The following IQSEC2 variants were observed in gnomAD, a reference collection of about 807,000 sequenced individuals.
The protein encoded by IQSEC2 is IQ motif and SEC7 domain-containing protein 2.
A neutral mutation model predicts 74.6 loss-of-function variants in IQSEC2; 6 were observed. The ratio of observed to expected loss-of-function variants is 0.08; its 90% CI spans 0.04 to 0.16. The LOEUF (loss-of-function observed/expected upper bound fraction) is 0.16. Among genes scored for constraint, IQSEC2 ranks in the 10% least tolerant of loss-of-function variants. The probability of loss-of-function intolerance (pLI) is 1.00; values close to 1 mark genes in which losing one functional copy is unlikely to be tolerated. For missense variants in IQSEC2, 734 were observed against 1,306.2 expected, an observed-to-expected ratio of 0.56 and a Z score of 6.75; for synonymous variants, 494 against 544.5, an observed-to-expected ratio of 0.91 and a Z score of 1.29.
rs781810595 is a variant in IQSEC2 at position 53,232,987 on chromosome X, C to G, written c.*1232G>C. ...CCATACAGCCCCTCCCACTGCCACC[C>G]TCCCCCGCCCCCAAGCCCCAGTGGC... On this transcript the variant is annotated 3_prime_UTR_variant, in exon 15 of 15. Coordinates refer to ENST00000642864, the MANE Select transcript of IQSEC2 (RefSeq NM_001111125.3). 3 of 111,407 alleles carry G rather than the reference C, an allele frequency of 2.7e-5. No individual in the cohort carries two copies. The highest frequency in any genetic ancestry group is 3.8e-5 in the Non-Finnish European group (2 of 52,964). 9.2% of individuals were successfully genotyped at this position (111,407 alleles called of 1,213,427 possible). A position where few individuals can be genotyped will look rare whatever the true frequency, so the allele number is the denominator to read the frequency against.
Position 53,234,241 on chromosome X carries a change from C to A in IQSEC2, c.4445G>T (p.Ser1482Ile). Residue 1482 changes from serine (S) to isoleucine (I), a missense_variant, in exon 15 of 15, where the codon AGC becomes ATC. Ser to Ile is a moderately radical substitution (Grantham distance 142). Coordinates refer to ENST00000642864, the MANE Select transcript of IQSEC2 (RefSeq NM_001111125.3). ...TCATCAGACCACGGTGCTGATCCGG[C>A]TTGGCTTGGCCTTGGGGTTTGCACT... ...PPSANPKAKP[S>I]RISTVV is the part of the protein sequence containing the mutation. 3 of 1,085,318 alleles carry A rather than the reference C, an allele frequency of 2.8e-6. No homozygotes were observed. Among genetic ancestry groups the A allele is most frequent in the Non-Finnish European group, 3.6e-6 (3 of 828,215 alleles). 89.4% of individuals were successfully genotyped at this position (1,085,318 alleles called of 1,213,427 possible). A position where few individuals can be genotyped will look rare whatever the true frequency, so the allele number is the denominator to read the frequency against.
intron 4 of IQSEC2, among the ~76,000 whole-genome samples, chrX:53,252,979 G>C (rs1208338793): frequency 9.0e-6 from 1 of 111,695 alleles, no homozygotes; most frequent in African/African-American, 3.3e-5. Flanking sequence ...CACATTGCTT[G>C]ACACAGAAGA....
In IQSEC2 at chrX:53,283,329, G is replaced by C. The variant is rs926430373; in HGVS notation, c.737+8566C>G. Among the ~76,000 whole-genome samples the C allele has an allele frequency of 5.3e-5, 6 of 112,356 alleles. 1 individual carries two copies. Among genetic ancestry groups the C allele is most frequent in the African/African-American group, 1.6e-4 (5 of 30,905 alleles). The stretch of plus-strand genomic sequence containing the variant: ...ACAAAGAACCTACACTTTGGTGCCT[G>C]GTAAAGCTGGGTACAAGTCCTTGCC... On this transcript the variant is annotated intron_variant, in intron 2 of 14. Coordinates refer to ENST00000642864, the MANE Select transcript of IQSEC2 (RefSeq NM_001111125.3).
intron 2 of IQSEC2, among the ~76,000 whole-genome samples, chrX:53,290,559 A>G (rs1352307268): frequency 8.9e-6 from 1 of 111,835 alleles, no homozygotes; most frequent in Non-Finnish European, 1.9e-5. Flanking sequence ...AAGTGCTAGG[A>G]CAAGCTGTGC....
Position 53,233,623 on chromosome X carries a change from G to T in IQSEC2, c.*596C>A. On this transcript the variant is annotated 3_prime_UTR_variant, in exon 15 of 15. Transcript: ENST00000642864. ...GAGAGGAAGCACTGCCCCACGTGGG[G>T]CCAACACAAGCAGGGTCCCACCCAC... 1 of 249,184 alleles carries T rather than the reference G, an allele frequency of 4.0e-6. No individual in the cohort carries two copies. Among genetic ancestry groups the T allele is most frequent in the Non-Finnish European group, 7.2e-6 (1 of 139,778 alleles). The allele number at this position is 249,184 out of a possible 1,213,427, so 20.5% of individuals were successfully genotyped here.
intron 1 of IQSEC2, among the ~76,000 whole-genome samples, chrX:53,300,027 G>C (rs782579222): frequency 1.8e-5 from 2 of 110,759 alleles, no homozygotes; most frequent in Admixed American, 9.7e-5. Flanking sequence ...CCCAAAGTTG[G>C]GGGGGGAATT....
chrX:53,284,160 G>A (rs1556871370), intron 2 of IQSEC2, among the ~76,000 whole-genome samples: 1 of 111,143 alleles, frequency 9.0e-6, no homozygotes, highest in Non-Finnish European at 1.9e-5. Flanking sequence ...AGCCCCTAAA[G>A]TTGTATGAAA....
At chrX:53,298,086 C>T (rs1432420381) in intron 1 of IQSEC2, among the ~76,000 whole-genome samples, 2 of 111,714 alleles carry the variant, frequency 1.8e-5, no homozygotes, top group Non-Finnish European at 3.8e-5. Context: ...GCTAAGATCG[C>T]GCCACTGCAC....
intron 2 of IQSEC2, among the ~76,000 whole-genome samples, chrX:53,291,425 T>C (rs1191442466): frequency 8.9e-6 from 1 of 112,008 alleles, no homozygotes; most frequent in African/African-American, 3.2e-5. Flanking sequence ...CTTGTCGCCA[T>C]AATGTATAGT....
chrX:53,235,844 A>G lies in IQSEC2; in HGVS notation c.3452-12T>C. On this transcript the variant is annotated splice_polypyrimidine_tract_variant and intron_variant, in intron 13 of 14. Transcript: ENST00000642864. ...CCGCCCCCGCTTCCCTGCACCCACA[A>G]GCAAGGAGCCCAGCGTCAGAGCAGC... The G allele has an allele frequency of 8.6e-7, 1 of 1,160,226 alleles. No homozygotes were observed. The highest frequency in any genetic ancestry group is 3.3e-5 in the East Asian group (1 of 30,644).
chrX:53,292,804 C>T (rs1463665829), intron 1 of IQSEC2, among the ~76,000 whole-genome samples: 5 of 110,322 alleles, frequency 4.5e-5, no homozygotes, highest in Non-Finnish European at 9.5e-5. Flanking sequence ...TGCGCGCGCA[C>T]GTGTGTGTGT....
At position 53,267,204 on chromosome X, in the gene IQSEC2, G is replaced by C; in HGVS notation, c.738-11143C>G. The C allele has an allele frequency of 6.4e-6, 6 of 943,183 alleles. No individual in the cohort carries two copies. In the South Asian group the frequency reaches 1.6e-4, roughly 26 times the overall value. The allele number at this position is 943,183 out of a possible 1,213,427, so 77.7% of individuals were successfully genotyped here. ...GTGGGACGAGAATGGGGGTCAGGGTGGGGAGGCCAGTGTGATGGATTATCC... is the reference window on the plus strand; with the variant it reads ...GTGGGACGAGAATGGGGGTCAGGGTCGGGAGGCCAGTGTGATGGATTATCC... On this transcript the variant is annotated intron_variant, in intron 2 of 14. Transcript: ENST00000642864.
intron 2 of IQSEC2, chrX:53,281,376 G>A: frequency 2.4e-6 from 1 of 414,535 alleles, no homozygotes; most frequent in African/African-American, 2.5e-5. Flanking sequence ...AGGCCTCTCA[G>A]AGTCCAAGAA....
At chrX:53,252,148 C>T (rs1368957628) in intron 4 of IQSEC2, among the ~76,000 whole-genome samples, 1 of 112,213 alleles carries the variant, frequency 8.9e-6, no homozygotes, top group Non-Finnish European at 1.9e-5. Context: ...GCAACCTGCA[C>T]CTCCCAGGTT....
chrX:53,243,598 G>T (rs1372648865), intron 8 of IQSEC2, 127 bp from the exon 9 acceptor site: 4 of 954,214 alleles, frequency 4.2e-6, no homozygotes, highest in South Asian at 3.2e-5. Context: ...GGGTACCCTC[G>T]GCCCCTTAGC....
chrX:53,313,594 T>C (rs2075341056), intron 1 of IQSEC2, among the ~76,000 whole-genome samples: 1 of 111,936 alleles, frequency 8.9e-6, no homozygotes, highest in Non-Finnish European at 1.9e-5. Flanking sequence ...CCATGACCAA[T>C]GTTTATGATC....
At chrX:53,251,368 G>A (rs903704612) in intron 4 of IQSEC2, among the ~76,000 whole-genome samples, 194 bp from the exon 5 acceptor site, 1 of 110,244 alleles carries the variant, frequency 9.1e-6, no homozygotes, top group East Asian at 2.8e-4. Flanking sequence ...GACTCCCAGG[G>A]AACCATTGTG....
intron 12 of IQSEC2, 87 bp from the exon 13 acceptor site, chrX:53,236,582 TCTCCTTC>T: frequency 1.0e-6 from 1 of 990,766 alleles, no homozygotes; most frequent in Non-Finnish European, 1.4e-6. Context: ...CATGGGCCAT[TCTCCTTC>T]CTCCTCCCTC....
chrX:53,249,770 G>A (rs1205479296), intron 5 of IQSEC2, among the ~76,000 whole-genome samples: 1 of 111,814 alleles, frequency 8.9e-6, no homozygotes, highest in African/African-American at 3.3e-5. Flanking sequence ...CCTAGAAAGA[G>A]CTTAGTCACA....
Sources: allele counts gnomAD v4.1 joint callset (sites outside exome capture counted in the v4.1 genomes callset), GRCh38; gene constraint gnomAD v4.1.1; transcripts MANE v1.5; gene names NCBI Gene and HGNC (gene_info 2026-07-23, HGNC 2026-07-21).